RAB31: variants seen among roughly 807,000 people sequenced by gnomAD.
RAB31 encodes ras-related protein Rab-31.
A neutral mutation model predicts 25.6 loss-of-function variants in RAB31; 21 were observed. The ratio of observed to expected loss-of-function variants is 0.82; its 90% CI spans 0.58 to 1.18. The LOEUF (loss-of-function observed/expected upper bound fraction) is 1.18, where lower values mean the gene tolerates loss of function less well. Among genes scored for constraint, RAB31 ranks in the 50% most tolerant of loss-of-function variants. The pLI is 0.00. For missense variants in RAB31, 196 were observed against 250.1 expected (o/e 0.78, Z 1.46); for synonymous variants, 87 against 84.0 (o/e 1.04, Z -0.20).
At chr18:9,790,120 A>G (rs1322142427) in intron 2 of RAB31, among the ~76,000 whole-genome samples, 1 of 152,228 alleles carries the variant, frequency 6.6e-6, no homozygotes, top group Non-Finnish European at 1.5e-5. Flanking sequence ...TAATAAGAAC[A>G]TAATGAGGAC....
At chr18:9,794,934 A>C (rs1300551466) in intron 3 of RAB31, among the ~76,000 whole-genome samples, 3 of 152,220 alleles carry the variant, frequency 2.0e-5, no homozygotes, top group Non-Finnish European at 4.4e-5. Context: ...CCATAGCCAA[A>C]GCAAGACTAA....
At chr18:9,848,370 G>T (rs1303726181) in intron 6 of RAB31, among the ~76,000 whole-genome samples, 1 of 151,872 alleles carries the variant, frequency 6.6e-6, no homozygotes, top group Non-Finnish European at 1.5e-5. Context: ...CTATTCATCT[G>T]TACATCTGTC....
intron 1 of RAB31, among the ~76,000 whole-genome samples, chr18:9,737,237 C>A (rs532621794): frequency 3.3e-4 from 50 of 152,248 alleles, no homozygotes; most frequent in East Asian, 3.1e-3. Context: ...TTTTTGTCAG[C>A]ATAGCTGGCG....
rs746508290 is a variant in RAB31 at position 9,859,266 on chromosome 18, A to T, written c.529A>T (p.Asn177Tyr). The T allele has an allele frequency of 6.2e-7, 1 of 1,613,904 alleles. No individual in the cohort carries two copies. The highest frequency in any genetic ancestry group is 1.7e-5 in the Admixed American group (1 of 60,014). Reference sequence around the variant, plus strand: ...ACCCTTGGACCCCCATGAAAATGGAAACAATGGAACAATCAAAGTTGAGAA... The same window carrying T: ...ACCCTTGGACCCCCATGAAAATGGATACAATGGAACAATCAAAGTTGAGAA... The part of the protein sequence containing the change: ...IPPLDPHENG[N>Y]NGTIKVEKPT... Residue 177 changes from asparagine to tyrosine, a missense_variant, in exon 7 of 7, where the codon AAC becomes TAC. Physicochemically the swap from Asn to Tyr is moderately radical, Grantham distance 143 (BLOSUM62 -2). Transcript: ENST00000578921.
At chr18:9,786,635 C>CT (rs2068434712) in intron 2 of RAB31, 2 of 152,190 alleles carry the variant, frequency 1.3e-5, no homozygotes, top group African/African-American at 4.8e-5. Flanking sequence ...GGTGGGAGAA[C>CT]CCCCCACAGA....
intron 1 of RAB31, among the ~76,000 whole-genome samples, chr18:9,760,616 T>C (rs1023297642): frequency 1.3e-5 from 2 of 152,208 alleles, no homozygotes; most frequent in Admixed American, 6.5e-5. Flanking sequence ...GGCAGTGAGC[T>C]CCGGGAGGTG....
At chr18:9,832,467 C>CCG (rs2068683711) in intron 5 of RAB31, among the ~76,000 whole-genome samples, 1 of 152,224 alleles carries the variant, frequency 6.6e-6, no homozygotes, top group South Asian at 2.1e-4. Flanking sequence ...ACAGCACAGA[C>CCG]CGTCAGCAAC....
intron 1 of RAB31, among the ~76,000 whole-genome samples, chr18:9,750,564 C>T (rs1220089909): frequency 6.6e-6 from 1 of 152,080 alleles, no homozygotes; most frequent in Non-Finnish European, 1.5e-5. Context: ...CCAGTGCATT[C>T]TTACGTGTGG....
intron 2 of RAB31, among the ~76,000 whole-genome samples, chr18:9,777,754 C>CTTTTTTTT (rs36009427): frequency 8.8e-6 from 1 of 113,966 alleles, no homozygotes; most frequent in African/African-American, 3.7e-5. Context: ...TTGTAATGAC[C>CTTTTTTTT]TTTTTTTTTT....
At chr18:9,777,730 A>T (rs2061140) in intron 2 of RAB31, among the ~76,000 whole-genome samples, 103,573 of 149,840 alleles carry the variant, frequency 0.69, 36,660 homozygotes, top group African/African-American at 0.85. Context: ...AAATTTTTTT[A>T]AAATAAAATC....
intron 1 of RAB31, among the ~76,000 whole-genome samples, chr18:9,759,964 C>T (rs1332431153): frequency 2.6e-5 from 4 of 152,026 alleles, no homozygotes; most frequent in African/African-American, 9.7e-5. Flanking sequence ...CCCGTGAGCA[C>T]GTTCTCGGGA....
intron 2 of RAB31, among the ~76,000 whole-genome samples, chr18:9,784,657 A>T (rs2068422717): frequency 6.6e-6 from 1 of 150,728 alleles, no homozygotes; most frequent in South Asian, 2.1e-4. Flanking sequence ...GGCTCAAGTG[A>T]TTCTCCTGCC....
intron 5 of RAB31, among the ~76,000 whole-genome samples, chr18:9,839,279 AG>A (rs1179345324): frequency 1.3e-5 from 2 of 152,228 alleles, no homozygotes; most frequent in African/African-American, 4.8e-5. Flanking sequence ...CATCACCAGC[AG>A]CTGATTTAAA....
At chr18:9,741,106 T>C (rs1341783046) in intron 1 of RAB31, among the ~76,000 whole-genome samples, 1 of 152,056 alleles carries the variant, frequency 6.6e-6, no homozygotes, top group Non-Finnish European at 1.5e-5. Flanking sequence ...CCCAGCATGG[T>C]GGCTCACGCC....
In RAB31 at chr18:9,859,266, A is replaced by G. The variant is rs746508290; in HGVS notation, c.529A>G (p.Asn177Asp). Reference protein sequence around the residue: ...IPPLDPHENGNNGTIKVEKPT... With the variant: ...IPPLDPHENGDNGTIKVEKPT... ...ACCCTTGGACCCCCATGAAAATGGA[A>G]ACAATGGAACAATCAAAGTTGAGAA... is the stretch of plus-strand genomic sequence containing the variant. The change falls in exon 7 of 7, where the codon AAC becomes GAC. Residue 177 changes from asparagine to aspartate, a missense_variant. By Grantham distance (23) the Asn-to-Asp change is conservative (BLOSUM62 1). Coordinates refer to ENST00000578921, the MANE Select transcript of RAB31 (RefSeq NM_006868.4). 1.9e-6 allele frequency: 3 copies of G among 1,613,904 alleles called. No individual in the cohort carries two copies. Among genetic ancestry groups the G allele is most frequent in the East Asian group, 2.2e-5 (1 of 44,878 alleles).
intron 1 of RAB31, among the ~76,000 whole-genome samples, chr18:9,742,372 G>A (rs1381281796): frequency 6.6e-6 from 1 of 152,178 alleles, no homozygotes; most frequent in Non-Finnish European, 1.5e-5. Flanking sequence ...CTGGGCGGAT[G>A]GTCCGGAAGA....
At chr18:9,812,663 G>A (rs1599049802) in intron 3 of RAB31, among the ~76,000 whole-genome samples, 1 of 140,244 alleles carries the variant, frequency 7.1e-6, no homozygotes, top group Non-Finnish European at 1.5e-5. Context: ...TTTTCTTATT[G>A]ACTTTCAAAA....
rs116709431 is a variant in RAB31, at chr18:9,788,979, A to G, written c.120-3175A>G. ...AGTAAGACCCCATCTCAAAAAAACA[A>G]AACAAAGCAAAAATGAATTAATGGA... On this transcript the variant is annotated intron_variant, in intron 2 of 6. Transcript: ENST00000578921. Among the ~76,000 whole-genome samples, 1,085 of 152,338 alleles carry G rather than the reference A, an allele frequency of 7.1e-3. 14 individuals carry two copies. Among genetic ancestry groups the G allele is most frequent in the African/African-American group, 0.024 (1,015 of 41,586 alleles).
rs1288244243 is a variant in RAB31 at position 9,855,771 on chromosome 18, T to C, written c.491-3457T>C. ...TTAAGGTTGGCATGTGTGTGACTTA[T>C]CCCAGGCTGAGAGTTTTGTAGATGA... On this transcript the variant is annotated intron_variant, in intron 6 of 6. Coordinates refer to ENST00000578921, the MANE Select transcript of RAB31 (RefSeq NM_006868.4). Among the ~76,000 whole-genome samples, 26 of 152,138 alleles carry C rather than the reference T, an allele frequency of 1.7e-4. 1 individual carries two copies. Among genetic ancestry groups the C allele is most frequent in the Admixed American group, 1.7e-3 (26 of 15,270 alleles).
Sources: gnomAD v4.1 joint callset for allele counts (sites outside exome capture counted in the v4.1 genomes callset) on GRCh38, gnomAD v4.1.1 for gene constraint, MANE v1.5 for transcripts, NCBI Gene and HGNC (gene_info 2026-07-23, HGNC 2026-07-21) for gene names.